Variants in MTFR1L observed in about 807,000 individuals in gnomAD.
MTFR1L encodes mitochondrial fission regulator 1-like.
MTFR1L carries 10 observed loss-of-function variants against 27.9 expected under a neutral mutation model. The observed-to-expected ratio is 0.36, with a 90% CI of 0.22 to 0.61. MTFR1L has a LOEUF of 0.61. Among genes scored for constraint, MTFR1L ranks in the 20% least tolerant of loss-of-function variants. MTFR1L has a pLI of 0.73. For synonymous variants in MTFR1L, 151 were observed against 139.4 expected (o/e 1.08, Z -0.58); for missense variants, 315 against 363.7 (o/e 0.87, Z 1.09).
At chr1:25,830,096 C>A (rs2048218484) in intron 6 of MTFR1L, among the ~76,000 whole-genome samples, 1 of 152,200 alleles carries the variant, frequency 6.6e-6, no homozygotes, top group South Asian at 2.1e-4. Flanking sequence ...CTTCTGTCCT[C>A]AGGTGGCTTT....
Position 25,820,007 on chromosome 1 carries a change from G to A in MTFR1L, c.-109G>A. The A allele has an allele frequency of 2.9e-6, 1 of 349,034 alleles. No individual in the cohort carries two copies. The highest frequency in any genetic ancestry group is 2.1e-5 in the South Asian group (1 of 47,614). The allele number at this position is 349,034 out of a possible 1,614,324, so 21.6% of individuals were successfully genotyped here. Reference sequence around the variant, plus strand: ...TGGAAGGAGGGGCCGTGAGGTGAGAGAGTCCGGGAGCCCGAGCTTGAGGTG... The same window carrying A: ...TGGAAGGAGGGGCCGTGAGGTGAGAAAGTCCGGGAGCCCGAGCTTGAGGTG... On this transcript the variant is annotated 5_prime_UTR_variant, in exon 1 of 7. Coordinates refer to ENST00000374303, the MANE Select transcript of MTFR1L (RefSeq NM_001099625.2).
intron 2 of MTFR1L, chr1:25,823,356 G>C (rs2048123084): frequency 1.4e-6 from 1 of 720,126 alleles, no homozygotes; most frequent in Non-Finnish European, 2.5e-6. Context: ...AGGACGGGAA[G>C]GAAAGCCTGG....
intron 6 of MTFR1L, 50 bp downstream of exon 6, chr1:25,829,880 T>A: frequency 1.4e-6 from 2 of 1,451,710 alleles, no homozygotes; most frequent in Non-Finnish European, 1.9e-6. Context: ...GAGTTGCCCA[T>A]GGCCAATTAT....
rs1037947703 is a variant in MTFR1L, at chr1:25,826,549, G to T, written c.240-66G>T. 6.3e-7 allele frequency: 1 copy of T among 1,598,658 alleles called. No homozygotes were observed. Among genetic ancestry groups the T allele is most frequent in the African/African-American group, 1.3e-5 (1 of 74,650 alleles). On this transcript the variant is annotated intron_variant, in intron 4 of 6. Transcript: ENST00000374303. This position sits in a 1 kb window ranked among gnomAD's most constrained non-coding sequence, Gnocchi z 4.1. ...CTATACTACTCTCACAGAAGTGGGG[G>T]AAGGAACCTTAGGAGCACAGTGGCC...
chr1:25,831,758 T>C (rs1037887111), intron 6 of MTFR1L, among the ~76,000 whole-genome samples, 163 bp from the exon 7 acceptor site: 2 of 152,250 alleles, frequency 1.3e-5, no homozygotes, highest in African/African-American at 4.8e-5. Context: ...CTTGGGCAAC[T>C]TGTATAACCT....
Position 25,829,829 on chromosome 1 carries a change from C to T in MTFR1L, c.772C>T (p.Leu258=). 1 of 1,593,568 alleles carries T rather than the reference C, an allele frequency of 6.3e-7. No individual in the cohort carries two copies. Among genetic ancestry groups the T allele is most frequent in the South Asian group, 1.1e-5 (1 of 90,494 alleles). The change falls in exon 6 of 7, where the codon CTG becomes TTG. Residue 258 remains leucine, a splice_region_variant and synonymous_variant. Transcript: ENST00000374303. ...DFHRMKQSQD[L]NRSLLKEEDP... ...TCACCGAATGAAACAGAGTCAAGAT[C>T]TGTAAGTATCTGATGAGGAGCTCTG...
intron 6 of MTFR1L, 44 bp from the exon 7 acceptor site, chr1:25,831,877 T>C: frequency 6.7e-7 from 1 of 1,494,204 alleles, no homozygotes; most frequent in Non-Finnish European, 9.3e-7. Context: ...TATACAGCAC[T>C]ACACAGGAAA....
intron 1 of MTFR1L, 118 bp from the exon 2 acceptor site, chr1:25,822,901 T>G: frequency 1.3e-6 from 1 of 784,498 alleles, no homozygotes; most frequent in South Asian, 1.6e-5. Flanking sequence ...TTGGGCTGGT[T>G]TTCTCCCCTG....
chr1:25,822,419 C>T (rs1363487806), intron 1 of MTFR1L: 1 of 155,572 alleles, frequency 6.4e-6, no homozygotes, highest in African/African-American at 2.3e-5. Flanking sequence ...GCTAGATGAG[C>T]TTTGTAGCTA....
intron 5 of MTFR1L, 33 bp from the exon 6 acceptor site, chr1:25,829,476 A>T (rs570249240): frequency 6.3e-7 from 1 of 1,587,552 alleles, no homozygotes; most frequent in Admixed American, 1.7e-5. Flanking sequence ...TCTAGCCCCA[A>T]TGTCCACCCA....
intron 6 of MTFR1L, among the ~76,000 whole-genome samples, chr1:25,830,148 G>A (rs1223503082): frequency 1.3e-5 from 2 of 152,146 alleles, no homozygotes; most frequent in Non-Finnish European, 2.9e-5. Flanking sequence ...TGTCTTCATG[G>A]CCCACCCTTC....
At position 25,832,010 on chromosome 1, in the gene MTFR1L, G is replaced by C; in HGVS notation, c.863G>C (p.Ser288Thr). Reference protein sequence around the residue: ...RKFALKEEDISRKGN With the variant: ...RKFALKEEDITRKGN ...TTTGCTCTAAAGGAAGAAGATATCA[G>C]TAGAAAAGGAAATTGACAACCCTCA... The change falls in exon 7 of 7, where the codon AGT (serine) becomes ACT (threonine). Residue 288 changes from serine to threonine, a missense_variant. By Grantham distance (58) the Ser-to-Thr change is moderately conservative. Coordinates refer to ENST00000374303, the MANE Select transcript of MTFR1L (RefSeq NM_001099625.2). The C allele has an allele frequency of 6.2e-7, 1 of 1,614,196 alleles. No individual in the cohort carries two copies. The highest frequency in any genetic ancestry group is 8.5e-7 in the Non-Finnish European group (1 of 1,180,040).
intron 1 of MTFR1L, chr1:25,822,056 C>G (rs1390645169): frequency 6.6e-6 from 1 of 152,264 alleles, no homozygotes; most frequent in Non-Finnish European, 1.5e-5. Context: ...AGTCAGATGT[C>G]ACCTCACCCA....
Position 25,823,635 on chromosome 1 carries a change from T to C in MTFR1L, c.25-9T>C, listed in dbSNP as rs1413965837. 5.0e-6 allele frequency: 8 copies of C among 1,613,432 alleles called. No homozygotes were observed. Among genetic ancestry groups the C allele is most frequent in the Non-Finnish European group, 6.8e-6 (8 of 1,179,666 alleles). ...TGGGGTTGTAGCTGTCTCCGTCTCT[T>C]TGCTCCAGACCATCCCAATCTGGCA... On this transcript the variant is annotated splice_polypyrimidine_tract_variant and intron_variant, in intron 2 of 6. Transcript: ENST00000374303.
chr1:25,830,487 C>T (rs1437882343), intron 6 of MTFR1L, among the ~76,000 whole-genome samples: 10 of 152,222 alleles, frequency 6.6e-5, no homozygotes, highest in African/African-American at 2.4e-4. Flanking sequence ...CCTTGAAAAA[C>T]TTCATCTGGC....
In MTFR1L at chr1:25,832,299, G is replaced by T; in HGVS notation, c.*273G>T. On this transcript the variant is annotated 3_prime_UTR_variant, in exon 7 of 7. Coordinates refer to ENST00000374303, the MANE Select transcript of MTFR1L (RefSeq NM_001099625.2). ...TAGTTTAAAGGGTAAGAGAGAAGTT[G>T]TTTCTGGTTTTTCCTTGCCCCTGTG... 1.0e-6 allele frequency: 1 copy of T among 973,592 alleles called. No individual in the cohort carries two copies. Among genetic ancestry groups the T allele is most frequent in the Non-Finnish European group, 1.5e-6 (1 of 666,384 alleles). The allele number at this position is 973,592 out of a possible 1,614,324, so 60.3% of individuals were successfully genotyped here. A position where few individuals can be genotyped will look rare whatever the true frequency, so the allele number is the denominator to read the frequency against.
At chr1:25,821,272 T>G (rs2048088350) in intron 1 of MTFR1L, among the ~76,000 whole-genome samples, 1 of 152,106 alleles carries the variant, frequency 6.6e-6, no homozygotes, top group Admixed American at 6.6e-5. Context: ...TCTTTGGAGG[T>G]AAGGTCGGAG....
At chr1:25,824,419 C>G (rs946965171) in intron 3 of MTFR1L, among the ~76,000 whole-genome samples, 2 of 152,112 alleles carry the variant, frequency 1.3e-5, no homozygotes, top group African/African-American at 2.4e-5. Context: ...AAGCACCAGC[C>G]CCAAACTATA....
chr1:25,820,669 C>T (rs1197318816), intron 1 of MTFR1L: 1 of 428,908 alleles, frequency 2.3e-6, no homozygotes, highest in African/African-American at 2.1e-5. Context: ...GGTGACAAGA[C>T]CCACCGGTGC....
Sources: allele counts gnomAD v4.1 joint callset (sites outside exome capture counted in the v4.1 genomes callset), GRCh38; gene constraint gnomAD v4.1.1; non-coding constraint Gnocchi (gnomAD v3.1); transcripts MANE v1.5; gene names NCBI Gene and HGNC (gene_info 2026-07-23, HGNC 2026-07-21).